TSHR: variants seen among roughly 807,000 people sequenced by gnomAD.
The protein encoded by TSHR is thyroid stimulating hormone receptor.
A neutral mutation model predicts 64.1 loss-of-function variants in TSHR; 51 were observed. The ratio of observed to expected loss-of-function variants is 0.80; its 90% confidence interval spans 0.64 to 1.01. The LOEUF (loss-of-function observed/expected upper bound fraction) is 1.01, where lower values mean the gene tolerates loss of function less well. Among genes scored for constraint, TSHR ranks in the 50% least tolerant of loss-of-function variants. The probability of loss-of-function intolerance (pLI) is 0.00; values close to 1 mark genes in which losing one functional copy is unlikely to be tolerated. For synonymous variants in TSHR, 361 were observed against 361.9 expected (o/e 1.00, Z 0.03); for missense variants, 877 against 942.8 (o/e 0.93, Z 0.91).
At chr14:81,122,895 C>T (rs1383344712) in intron 8 of TSHR, among the ~76,000 whole-genome samples, 1 of 152,186 alleles carries the variant, frequency 6.6e-6, no homozygotes, top group East Asian at 1.9e-4. Flanking sequence ...GAGGCTGAGG[C>T]GGTGTGGATC....
intron 1 of TSHR, among the ~76,000 whole-genome samples, chr14:81,056,038 C>G (rs1885773236): frequency 6.6e-6 from 1 of 152,112 alleles, no homozygotes; most frequent in African/African-American, 2.4e-5. Flanking sequence ...GGGAGGGACT[C>G]AGTGGGAGGA....
chr14:81,070,465 A>G (rs181766225), intron 3 of TSHR, among the ~76,000 whole-genome samples: 285 of 151,970 alleles, frequency 1.9e-3, no homozygotes, highest in African/African-American at 6.8e-3. Context: ...TGTCTCTACT[A>G]AAAACACAAA....
chr14:81,045,024 A>C lies in TSHR; in HGVS notation c.171-17124A>C, dbSNP rs1486695559. 5.9e-5 allele frequency among the ~76,000 whole-genome samples: 9 copies of C among 152,368 alleles called. No individual in the cohort carries two copies. The East Asian group carries it at 1.7e-3, about 29-fold the overall frequency. ...AATGCCCATCAATGACAGACTGAAT[A>C]AAGAAAATGTGGTACATACACACCA... On this transcript the variant is annotated intron_variant, in intron 1 of 9. Coordinates refer to ENST00000298171, the MANE Select transcript of TSHR (RefSeq NM_000369.5).
intron 1 of TSHR, among the ~76,000 whole-genome samples, chr14:81,043,207 GCTT>G (rs1240896814): frequency 3.3e-5 from 5 of 152,026 alleles, no homozygotes; most frequent in African/African-American, 1.2e-4. Flanking sequence ...CAGCCCAAAA[GCTT>G]CTTAAGCTGA....
In TSHR at chr14:81,085,351, C is replaced by CAA. The variant is rs1286340822; in HGVS notation, c.318-2600_318-2599dup. On this transcript the variant is annotated intron_variant, in intron 3 of 9. Coordinates refer to ENST00000298171, the MANE Select transcript of TSHR (RefSeq NM_000369.5). ...CTTCTCTGCTTCAGGAGATACTTTT[C>CAA]AAAAGTCACTTGTGAGCAAGTGGTA... 1.2e-4 allele frequency among the ~76,000 whole-genome samples: 18 copies of CAA among 152,330 alleles called. 1 individual carries two copies. The East Asian group carries it at 3.3e-3, about 28-fold the overall frequency.
chr14:81,017,910 A>G (rs1294368385), intron 1 of TSHR, among the ~76,000 whole-genome samples: 1 of 151,246 alleles, frequency 6.6e-6, no homozygotes. Flanking sequence ...GCTCATTGCA[A>G]GCTCCGCCTC....
rs146096816 is a variant in TSHR, at chr14:81,020,863, G to T, written c.171-41285G>T. On this transcript the variant is annotated intron_variant, in intron 1 of 9. Coordinates refer to ENST00000298171, the MANE Select transcript of TSHR (RefSeq NM_000369.5). Reference sequence around the variant, plus strand: ...ATCCTGAGATTGCTACAAAAGCTCTGAAAAGCCTGCTTCCATTTCCAACAT... The same window carrying T: ...ATCCTGAGATTGCTACAAAAGCTCTTAAAAGCCTGCTTCCATTTCCAACAT... 8.1e-3 allele frequency among the ~76,000 whole-genome samples: 1,226 copies of T among 152,228 alleles called. 11 individuals are homozygous for T. Among genetic ancestry groups the T allele is most frequent in the Non-Finnish European group, 0.011 (715 of 68,012 alleles).
At position 81,108,394 on chromosome 14, in the gene TSHR, T is replaced by C; in HGVS notation, c.634T>C (p.Tyr212His). 6.2e-7 allele frequency: 1 copy of C among 1,613,508 alleles called. No individual in the cohort carries two copies. The highest frequency in any genetic ancestry group is 8.5e-7 in the Non-Finnish European group (1 of 1,179,698). ...CTCTAGTTACCTAAACAAGAATAAA[T>C]ACCTGACAGTTATTGACAAAGATGC... The part of the protein sequence containing the change: ...LDAVYLNKNK[Y>H]LTVIDKDAFG... The change falls in exon 8 of 10, where the codon TAC (tyrosine) becomes CAC (histidine). Residue 212 changes from tyrosine to histidine, a missense_variant. Physicochemically the swap from Tyr to His is moderately conservative, Grantham distance 83. Coordinates refer to ENST00000298171, the MANE Select transcript of TSHR (RefSeq NM_000369.5).
At chr14:81,088,068 G>GA (rs1462503469) in intron 4 of TSHR, 40 bp downstream of exon 4, 1 of 1,489,048 alleles carries the variant, frequency 6.7e-7, no homozygotes, top group Non-Finnish European at 9.4e-7. Context: ...TTTCTGGGGG[G>GA]AGGGGGTCAG....
intron 1 of TSHR, among the ~76,000 whole-genome samples, chr14:80,960,813 C>T (rs1365074267): frequency 1.3e-5 from 2 of 152,232 alleles, no homozygotes; most frequent in African/African-American, 4.8e-5. Flanking sequence ...AGGCCAAGGC[C>T]TACTGTGGGC....
At chr14:81,073,380 A>G (rs1307157990) in intron 3 of TSHR, among the ~76,000 whole-genome samples, 1 of 152,106 alleles carries the variant, frequency 6.6e-6, no homozygotes, top group African/African-American at 2.4e-5. Flanking sequence ...ACTTGATCAT[A>G]TTGGCTTATA....
rs142886160 is a variant in TSHR at position 80,977,491 on chromosome 14, A to G, written c.170+21641A>G. Among the ~76,000 whole-genome samples, 239 of 152,346 alleles carry G rather than the reference A, an allele frequency of 1.6e-3. 3 individuals are homozygous for G. Among genetic ancestry groups the G allele is most frequent in the African/African-American group, 5.2e-3 (216 of 41,572 alleles). ...TACTGGCTTCCATGGTCAAATATTC[A>G]GTCTCAAACAGGGCTCAGTAGCACC... On this transcript the variant is annotated intron_variant, in intron 1 of 9. Transcript: ENST00000298171.
At chr14:81,058,877 CT>C (rs1886019811) in intron 1 of TSHR, among the ~76,000 whole-genome samples, 1 of 152,098 alleles carries the variant, frequency 6.6e-6, no homozygotes, top group South Asian at 2.1e-4. Flanking sequence ...TCACAAGATT[CT>C]TTGAGTAAAA....
chr14:81,058,133 T>A (rs1170613391), intron 1 of TSHR, among the ~76,000 whole-genome samples: 1 of 152,160 alleles, frequency 6.6e-6, no homozygotes, highest in Non-Finnish European at 1.5e-5. Flanking sequence ...TCTCCCCCAT[T>A]GCTACTGCAA....
intron 1 of TSHR, among the ~76,000 whole-genome samples, chr14:81,007,371 G>A (rs545546814): frequency 2.6e-5 from 4 of 152,302 alleles, no homozygotes; most frequent in South Asian, 2.1e-4. Flanking sequence ...TGACTCTGAC[G>A]GTCTTACAGT....
intron 1 of TSHR, among the ~76,000 whole-genome samples, chr14:80,967,148 C>A (rs2139695856): frequency 6.9e-6 from 1 of 144,600 alleles, no homozygotes; most frequent in African/African-American, 2.5e-5. Flanking sequence ...AGGCTAATAT[C>A]TGGAGGAGAA....
intron 1 of TSHR, among the ~76,000 whole-genome samples, chr14:81,045,041 T>C (rs1885110348): frequency 6.6e-6 from 1 of 152,176 alleles, no homozygotes; most frequent in East Asian, 1.9e-4. Context: ...ATGTGGTACA[T>C]ACACACCATG....
chr14:81,085,622 T>C (rs1888231962), intron 3 of TSHR, among the ~76,000 whole-genome samples: 1 of 152,134 alleles, frequency 6.6e-6, no homozygotes, highest in Non-Finnish European at 1.5e-5. Context: ...TTCTCTACCT[T>C]TTCAGCTGAC....
chr14:81,043,971 A>G (rs1471596820), intron 1 of TSHR, among the ~76,000 whole-genome samples: 1 of 152,240 alleles, frequency 6.6e-6, no homozygotes, highest in Non-Finnish European at 1.5e-5. Flanking sequence ...AAAATCCAAA[A>G]CTATAAAAAT....
Sources: gnomAD v4.1 joint callset for allele counts (sites outside exome capture counted in the v4.1 genomes callset) on GRCh38, gnomAD v4.1.1 for gene constraint, MANE v1.5 for transcripts, NCBI Gene and HGNC (gene_info 2026-07-23, HGNC 2026-07-21) for gene names.